Variants in SMG7 observed in about 807,000 individuals in gnomAD.
SMG7 encodes nonsense-mediated mRNA decay factor SMG7.
A neutral mutation model predicts 148.2 loss-of-function variants in SMG7; 34 were observed. The ratio of observed to expected loss-of-function variants is 0.23; its 90% CI spans 0.17 to 0.31. The LOEUF is 0.31. Ranked by LOEUF, SMG7 falls within the 10% of genes least tolerant of loss-of-function variation. SMG7 has a pLI of 1.00. For synonymous variants in SMG7, 492 were observed against 515.1 expected, an observed-to-expected ratio of 0.96 and a Z score of 0.61; for missense variants, 1,114 against 1,408.4, an observed-to-expected ratio of 0.79 and a Z score of 3.35.
Position 183,526,748 on chromosome 1 carries a change from C to T in SMG7, c.465C>T (p.Leu155=), listed in dbSNP as rs770694939. The change falls in exon 5 of 23, where the codon CTC becomes CTT. Residue 155 remains leucine (L), a synonymous_variant. Transcript: ENST00000688051. ...GTTCCTATATCTGCCAGCACTGCCT[C>T]GTCCACCTTGGAGACATTGGTGAGC... The part of the protein sequence containing the change: ...SSCSYICQHC[L]VHLGDIARYR... 4.2e-5 allele frequency: 67 copies of T among 1,613,086 alleles called. No homozygotes were observed. The highest frequency in any genetic ancestry group is 1.6e-4 in the Middle Eastern group (1 of 6,078).
chr1:183,539,924 A>G (rs1668497483), intron 12 of SMG7, among the ~76,000 whole-genome samples: 1 of 152,174 alleles, frequency 6.6e-6, no homozygotes, highest in Non-Finnish European at 1.5e-5. Flanking sequence ...TTAAGTATGG[A>G]AATAGTGATG....
At chr1:183,537,245 A>T (rs1168969596) in intron 11 of SMG7, 30 bp downstream of exon 11, 1 of 1,494,856 alleles carries the variant, frequency 6.7e-7, no homozygotes, top group Non-Finnish European at 9.3e-7. Context: ...TGTGTTGTTG[A>T]TGTGGTTCTC....
chr1:183,523,273 GATAA>G (rs1418180539), intron 4 of SMG7, among the ~76,000 whole-genome samples: 23 of 152,162 alleles, frequency 1.5e-4, no homozygotes, highest in Non-Finnish European at 2.8e-4. Context: ...TGTAAAAATT[GATAA>G]ATAGGAACCC....
At chr1:183,492,467 GTAAGT>G (rs1657307814) in intron 1 of SMG7, among the ~76,000 whole-genome samples, 1 of 152,110 alleles carries the variant, frequency 6.6e-6, no homozygotes, top group Admixed American at 6.5e-5. Flanking sequence ...CAACTCTCTA[GTAAGT>G]TTTGAAATCA....
intron 11 of SMG7, 92 bp from the exon 12 acceptor site, chr1:183,538,288 G>A: frequency 1.2e-6 from 1 of 800,286 alleles, no homozygotes; most frequent in Non-Finnish European, 2.2e-6. Flanking sequence ...ATTTCTTTCT[G>A]TATGTTAATT....
Position 183,549,798 on chromosome 1 carries a change from T to G in SMG7, c.3008T>G (p.Val1003Gly). The G allele has an allele frequency of 6.2e-7, 1 of 1,613,776 alleles. No individual in the cohort carries two copies. Residue 1003 changes from valine (V) to glycine (G), a missense_variant, in exon 20 of 23, where the codon GTA becomes GGA. Coordinates refer to ENST00000688051, the MANE Select transcript of SMG7 (RefSeq NM_001375584.1). ...CCAAATAATAGTATGTTCAATGAGGTATATGGGAAAAACCTGACATCCAGC... is the reference window on the plus strand; with the variant it reads ...CCAAATAATAGTATGTTCAATGAGGGATATGGGAAAAACCTGACATCCAGC... ...RYPNNSMFNE[V>G]YGKNLTSSSK...
At chr1:183,482,608 TGAGA>T (rs2102090744) in intron 1 of SMG7, among the ~76,000 whole-genome samples, 1 of 152,230 alleles carries the variant, frequency 6.6e-6, no homozygotes, top group African/African-American at 2.4e-5. Context: ...CAATATATTT[TGAGA>T]GAGTGAGAGA....
At chr1:183,548,010 A>G (rs926476914) in intron 18 of SMG7, among the ~76,000 whole-genome samples, 1 of 152,214 alleles carries the variant, frequency 6.6e-6, no homozygotes, top group Non-Finnish European at 1.5e-5. Flanking sequence ...ATTACACCTT[A>G]ATAAAACATA....
rs373240706 is a variant in SMG7, at chr1:183,551,296, T to A, written c.3450+106T>A. 41 of 1,051,436 alleles carry A rather than the reference T, an allele frequency of 3.9e-5. No individual in the cohort carries two copies. The African/African-American group carries it at 5.8e-4, about 15-fold the overall frequency. The allele number at this position is 1,051,436 out of a possible 1,614,324, so 65.1% of individuals were successfully genotyped here. ...TTCTCAGGCCCTCGGAGTTGACTGA[T>A]ACATAGCACATATATAACAAAGTCC... On this transcript the variant is annotated intron_variant, in intron 22 of 22. Transcript: ENST00000688051.
At chr1:183,531,371 C>T (rs1056761010) in intron 8 of SMG7, among the ~76,000 whole-genome samples, 1 of 152,040 alleles carries the variant, frequency 6.6e-6, no homozygotes, top group African/African-American at 2.4e-5. Flanking sequence ...CAGTATATTT[C>T]TCAACTGTAG....
At position 183,515,832 on chromosome 1, in the gene SMG7, G is replaced by A. The variant is rs759972499; in HGVS notation, c.62-42G>A. On this transcript the variant is annotated intron_variant, in intron 2 of 22. Transcript: ENST00000688051. ...GTGGTATAATGGTTTTAACTGCTGGGGTTTATCTATCTACCGTTATGTTTT... is the reference window on the plus strand; with the variant it reads ...GTGGTATAATGGTTTTAACTGCTGGAGTTTATCTATCTACCGTTATGTTTT... 12 of 1,281,210 alleles carry A rather than the reference G, an allele frequency of 9.4e-6. No homozygotes were observed. The African/African-American group carries it at 1.0e-4, about 11-fold the overall frequency. The allele number at this position is 1,281,210 out of a possible 1,614,324, so 79.4% of individuals were successfully genotyped here.
At chr1:183,535,698 CTT>C (rs912883369) in intron 10 of SMG7, among the ~76,000 whole-genome samples, 5 of 152,160 alleles carry the variant, frequency 3.3e-5, no homozygotes, top group African/African-American at 1.2e-4. Flanking sequence ...AACATACTCT[CTT>C]AAGCTAATGA....
rs897625366 is a variant in SMG7, at chr1:183,482,357, A to G, written c.29+9708A>G. ...GGAGACACAAGAGAGAAAGATTTAT[A>G]TAATGCCTACAGTACTTCCTCTTGA... On this transcript the variant is annotated intron_variant, in intron 1 of 22. Coordinates refer to ENST00000688051, the MANE Select transcript of SMG7 (RefSeq NM_001375584.1). Among the ~76,000 whole-genome samples the G allele has an allele frequency of 2.6e-5, 4 of 152,040 alleles. No homozygotes were observed. In the South Asian group the frequency reaches 6.2e-4, roughly 24 times the overall value.
At chr1:183,550,287 C>T (rs535377553) in intron 20 of SMG7, among the ~76,000 whole-genome samples, 34 of 152,078 alleles carry the variant, frequency 2.2e-4, no homozygotes, top group Non-Finnish European at 3.5e-4. Context: ...CCACTCTAGA[C>T]TCAAACTCCT....
chr1:183,479,470 A>G (rs1322447643), intron 1 of SMG7, among the ~76,000 whole-genome samples: 2 of 152,140 alleles, frequency 1.3e-5, no homozygotes, highest in African/African-American at 4.8e-5. Context: ...TGATTTAGAA[A>G]ATATATGTAG....
chr1:183,481,101 C>T (rs1240782360), intron 1 of SMG7, among the ~76,000 whole-genome samples: 1 of 152,138 alleles, frequency 6.6e-6, no homozygotes. Flanking sequence ...ATATGGCTTT[C>T]ACTTCCTTAA....
intron 10 of SMG7, among the ~76,000 whole-genome samples, chr1:183,536,586 T>A (rs549975820): frequency 6.6e-6 from 1 of 152,318 alleles, no homozygotes; most frequent in African/African-American, 2.4e-5. Context: ...TATGTTCTAA[T>A]ATTTCATGTG....
At chr1:183,494,978 G>A (rs1346658503) in intron 1 of SMG7, among the ~76,000 whole-genome samples, 1 of 151,410 alleles carries the variant, frequency 6.6e-6, no homozygotes, top group East Asian at 1.9e-4. Context: ...ACAGACACAC[G>A]CCACCATGCC....
At position 183,553,015 on chromosome 1, in the gene SMG7, A is replaced by G. The variant is rs1276159506; in HGVS notation, c.*1084A>G. 1 of 1,536,332 alleles carries G rather than the reference A, an allele frequency of 6.5e-7. No homozygotes were observed. The highest frequency in any genetic ancestry group is 1.2e-5 in the South Asian group (1 of 84,064). ...GGGTCCAGCAGTTGGGGCCCAAAAG[A>G]CAGTCTGAAGAGGAAGGAAGCAGCA... On this transcript the variant is annotated 3_prime_UTR_variant, in exon 23 of 23. Coordinates refer to ENST00000688051, the MANE Select transcript of SMG7 (RefSeq NM_001375584.1).
Sources: gnomAD v4.1 joint callset for allele counts (sites outside exome capture counted in the v4.1 genomes callset) on GRCh38, gnomAD v4.1.1 for gene constraint, MANE v1.5 for transcripts, NCBI Gene and HGNC (gene_info 2026-07-23, HGNC 2026-07-21) for gene names.